CCDC7: variants seen among roughly 807,000 people sequenced by gnomAD.
CCDC7 encodes the protein coiled-coil domain-containing protein 7.
CCDC7 carries 183 observed loss-of-function variants against 196.9 expected under a neutral mutation model. The observed-to-expected ratio is 0.93, with a 90% CI of 0.82 to 1.05. The LOEUF (loss-of-function observed/expected upper bound fraction) is 1.05. CCDC7 is among the 50% of genes least tolerant of loss of function. The pLI is 0.00. For synonymous variants in CCDC7, 525 were observed against 484.6 expected (o/e 1.08, Z -1.10); for missense variants, 1,540 against 1,482.2 (o/e 1.04, Z -0.64).
At chr10:32,658,758 A>G (rs1565000165) in intron 20 of CCDC7, among the ~76,000 whole-genome samples, 1 of 152,242 alleles carries the variant, frequency 6.6e-6, no homozygotes, top group Non-Finnish European at 1.5e-5. Context: ...CCAGGCCCAT[A>G]AAGACATATA....
At chr10:32,588,235 A>G (rs1419895951) in intron 18 of CCDC7, among the ~76,000 whole-genome samples, 1 of 152,212 alleles carries the variant, frequency 6.6e-6, no homozygotes, top group African/African-American at 2.4e-5. Context: ...AGTCTCAGGT[A>G]TTCAGTTATA....
chr10:32,500,521 G>C (rs1589239573), intron 9 of CCDC7, among the ~76,000 whole-genome samples: 1 of 151,782 alleles, frequency 6.6e-6, no homozygotes, highest in South Asian at 2.1e-4. Flanking sequence ...TCACTTCCTA[G>C]ACAGGGTGAT....
chr10:32,746,936 T>A (rs2074862746), intron 28 of CCDC7, among the ~76,000 whole-genome samples: 1 of 152,200 alleles, frequency 6.6e-6, no homozygotes, highest in Non-Finnish European at 1.5e-5. Flanking sequence ...GCTGCTGCCT[T>A]GTCACAGCCA....
chr10:32,672,293 C>G lies in CCDC7; in HGVS notation c.2122+8132C>G, dbSNP rs904709099. On this transcript the variant is annotated intron_variant, in intron 21 of 41. Transcript: ENST00000639629. Reference sequence around the variant, plus strand: ...GCTGCTCTGGAGTTGGGGCACAGTCCAGCTCTCTATGATGGCTAAACCAGT... The same window carrying G: ...GCTGCTCTGGAGTTGGGGCACAGTCGAGCTCTCTATGATGGCTAAACCAGT... Among the ~76,000 whole-genome samples the G allele has an allele frequency of 2.6e-5, 4 of 152,248 alleles. No homozygotes were observed. The East Asian group carries it at 7.7e-4, about 29-fold the overall frequency.
chr10:32,453,830 C>T (rs1052227032), intron 2 of CCDC7, among the ~76,000 whole-genome samples: 1 of 152,186 alleles, frequency 6.6e-6, no homozygotes. Context: ...AGATAACCAC[C>T]AATTCCACTC....
chr10:32,445,590 T>C (rs766255377), upstream of CCDC7, among the ~76,000 whole-genome samples: 79 of 152,208 alleles, frequency 5.2e-4, no homozygotes, highest in South Asian at 2.1e-4. Flanking sequence ...TTTCTTGAGG[T>C]CAAATTATCT....
intron 9 of CCDC7, among the ~76,000 whole-genome samples, chr10:32,500,873 C>T (rs2043900052): frequency 2.0e-5 from 3 of 152,170 alleles, no homozygotes; most frequent in South Asian, 2.1e-4. Context: ...GGCGAAACCC[C>T]GTCTCCACCA....
chr10:32,451,474 C>T (rs2033060750), upstream of CCDC7: 2 of 873,358 alleles, frequency 2.3e-6, no homozygotes, highest in Non-Finnish European at 3.2e-6. Context: ...TCATAGCTTC[C>T]AGAAGTTGCT....
intron 29 of CCDC7, among the ~76,000 whole-genome samples, chr10:32,780,508 GC>G (rs1448021294): frequency 5.9e-5 from 9 of 152,296 alleles, no homozygotes; most frequent in African/African-American, 2.2e-4. Flanking sequence ...GTTAGAGGGT[GC>G]TGCATAAGAG....
At chr10:32,821,641 A>T (rs1381735441) in intron 31 of CCDC7, among the ~76,000 whole-genome samples, 6 of 152,234 alleles carry the variant, frequency 3.9e-5, no homozygotes, top group African/African-American at 1.2e-4. Flanking sequence ...ATAAAAAAGG[A>T]TGAGCTCATG....
At chr10:32,769,339 C>A (rs1333652512) in intron 28 of CCDC7, among the ~76,000 whole-genome samples, 1 of 151,884 alleles carries the variant, frequency 6.6e-6, no homozygotes, top group Non-Finnish European at 1.5e-5. Flanking sequence ...TCTGTGGTAT[C>A]AGTTCTTATG....
intron 20 of CCDC7, among the ~76,000 whole-genome samples, chr10:32,647,245 G>C (rs553535305): frequency 6.6e-6 from 1 of 152,140 alleles, no homozygotes; most frequent in East Asian, 1.9e-4. Context: ...AGTGGCTCAC[G>C]CCACTAATCC....
intron 26 of CCDC7, among the ~76,000 whole-genome samples, chr10:32,728,413 C>A (rs894303253): frequency 9.2e-5 from 14 of 152,044 alleles, no homozygotes; most frequent in African/African-American, 3.4e-4. Context: ...ACTCTCAGCC[C>A]CATCTCCACA....
intron 8 of CCDC7, among the ~76,000 whole-genome samples, chr10:32,484,530 T>C (rs1418015116): frequency 6.6e-6 from 1 of 152,182 alleles, no homozygotes; most frequent in Non-Finnish European, 1.5e-5. Flanking sequence ...CTTCCAATAC[T>C]ATGTTGAATA....
At chr10:32,872,294 C>A (rs111501763) in intron 41 of CCDC7, among the ~76,000 whole-genome samples, 23 of 151,650 alleles carry the variant, frequency 1.5e-4, no homozygotes, top group African/African-American at 5.6e-4. Context: ...GATCCCTTTA[C>A]CATTATGTAA....
chr10:32,821,024 C>A (rs1273509957), intron 31 of CCDC7, among the ~76,000 whole-genome samples: 2 of 152,170 alleles, frequency 1.3e-5, no homozygotes, highest in Admixed American at 1.3e-4. Context: ...TCAGAGTGAA[C>A]AGGCAACCTA....
chr10:32,755,277 C>T (rs1192770092), intron 28 of CCDC7, among the ~76,000 whole-genome samples: 1 of 152,086 alleles, frequency 6.6e-6, no homozygotes, highest in Non-Finnish European at 1.5e-5. Flanking sequence ...AGTGTTTCTC[C>T]CAGCATGGAG....
intron 41 of CCDC7, among the ~76,000 whole-genome samples, chr10:32,874,766 A>G (rs2094548981): frequency 6.6e-6 from 1 of 151,030 alleles, no homozygotes; most frequent in African/African-American, 2.4e-5. Context: ...ACACACACAC[A>G]CACACACACA....
At chr10:32,594,988 A>C (rs2060171527) in intron 18 of CCDC7, among the ~76,000 whole-genome samples, 1 of 152,218 alleles carries the variant, frequency 6.6e-6, no homozygotes, top group African/African-American at 2.4e-5. Flanking sequence ...AACGTTCATC[A>C]GGGATATTGG....
Sources: gnomAD v4.1 joint callset for allele counts (sites outside exome capture counted in the v4.1 genomes callset) on GRCh38, gnomAD v4.1.1 for gene constraint, MANE v1.5 for transcripts, NCBI Gene and HGNC (gene_info 2026-07-23, HGNC 2026-07-21) for gene names.